Variants in CCDC88C observed in about 807,000 individuals in gnomAD.
CCDC88C encodes the protein protein Daple.
CCDC88C carries 131 observed loss-of-function variants against 198.8 expected under a neutral mutation model. That is an observed-to-expected ratio of 0.66 (90% CI 0.57 to 0.76). CCDC88C has a LOEUF of 0.76. Among genes scored for constraint, CCDC88C ranks in the 30% least tolerant of loss-of-function variants. The pLI is 0.00. For missense variants in CCDC88C, 2,553 were observed against 2,631.6 expected (o/e 0.97, Z 0.65); for synonymous variants, 1,166 against 1,114.7 (o/e 1.05, Z -0.92).
chr14:91,379,579 A>G, intron 3 of CCDC88C: 1 of 556,544 alleles, frequency 1.8e-6, no homozygotes, highest in Middle Eastern at 4.8e-4. Flanking sequence ...AGGTGCCTCC[A>G]GGGGATCACA....
rs754306873 is a variant in CCDC88C, at chr14:91,281,426, G to C, written c.4699+31C>G. 8.7e-6 allele frequency: 14 copies of C among 1,613,382 alleles called. No individual in the cohort carries two copies. The Admixed American group carries it at 2.3e-4, about 27-fold the overall frequency. On this transcript the variant is annotated intron_variant, in intron 27 of 29. Coordinates refer to ENST00000389857, the MANE Select transcript of CCDC88C (RefSeq NM_001080414.4). The stretch of plus-strand genomic sequence containing the variant: ...GGATAAAAACCAGTCTGGAAACCCA[G>C]GCTGGAGGACACAGCACCCTCCCTA...
intron 3 of CCDC88C, among the ~76,000 whole-genome samples, chr14:91,407,078 C>A (rs7156457): frequency 0.021 from 3,209 of 151,002 alleles, 110 homozygotes; most frequent in African/African-American, 0.073. Context: ...AGGCAAACTA[C>A]GCCAGCCCCC....
At chr14:91,357,960 G>C (rs191654721) in intron 4 of CCDC88C, among the ~76,000 whole-genome samples, 7 of 152,356 alleles carry the variant, frequency 4.6e-5, no homozygotes, top group Admixed American at 3.9e-4. Context: ...GCCACCAGGA[G>C]GACCAGGGGT....
intron 3 of CCDC88C, among the ~76,000 whole-genome samples, chr14:91,403,025 C>T (rs1000377988): frequency 2.0e-5 from 3 of 152,104 alleles, no homozygotes; most frequent in Non-Finnish European, 4.4e-5. Context: ...CTCTAAATCT[C>T]GCAGTTTCTG....
intron 3 of CCDC88C, among the ~76,000 whole-genome samples, chr14:91,366,775 G>A (rs1162977632): frequency 6.6e-6 from 1 of 152,202 alleles, no homozygotes; most frequent in East Asian, 1.9e-4. Context: ...TGGGCGAAAG[G>A]CTGACTCTCA....
intron 3 of CCDC88C, among the ~76,000 whole-genome samples, chr14:91,361,486 C>T (rs1428023088): frequency 6.6e-6 from 1 of 152,174 alleles, no homozygotes; most frequent in Admixed American, 6.5e-5. Context: ...ATGGTCTTCT[C>T]GTCCCTCCTT....
In CCDC88C at chr14:91,373,585, G is replaced by A. The variant is rs1596126905; in HGVS notation, c.271-13874C>T. On this transcript the variant is annotated intron_variant, in intron 3 of 29. Coordinates refer to ENST00000389857, the MANE Select transcript of CCDC88C (RefSeq NM_001080414.4). ...TCTCTTTTCATTACAGGAGTTTGCA[G>A]CAAAAGATCAGACTTCATCTAGAGA... 2.0e-5 allele frequency among the ~76,000 whole-genome samples: 3 copies of A among 152,152 alleles called. No individual in the cohort carries two copies. In the East Asian group the frequency reaches 5.8e-4, roughly 29 times the overall value.
chr14:91,417,491 C>T, intron 1 of CCDC88C, 140 bp downstream of exon 1: 1 of 670,464 alleles, frequency 1.5e-6, no homozygotes, highest in Non-Finnish European at 2.4e-6. Flanking sequence ...GGCCCCAACC[C>T]CGGCCGGGAG....
chr14:91,339,871 C>A lies in CCDC88C; in HGVS notation c.624+13G>T, dbSNP rs764302276. The A allele has an allele frequency of 6.4e-7, 1 of 1,573,780 alleles. No individual in the cohort carries two copies. The highest frequency in any genetic ancestry group is 8.6e-7 in the Non-Finnish European group (1 of 1,159,592). Reference sequence around the variant, plus strand: ...CTTCCCAGGCTGACCGGGCCACCGACCCGCGGACGCACCTCGGTGCACTCG... The same window carrying A: ...CTTCCCAGGCTGACCGGGCCACCGAACCGCGGACGCACCTCGGTGCACTCG... On this transcript the variant is annotated intron_variant, in intron 7 of 29. Coordinates refer to ENST00000389857, the MANE Select transcript of CCDC88C (RefSeq NM_001080414.4). The surrounding 1 kb of genome is among the most constrained non-coding windows in gnomAD (Gnocchi z 5.8).
chr14:91,408,976 G>C (rs1322239266), intron 2 of CCDC88C, among the ~76,000 whole-genome samples: 2 of 152,058 alleles, frequency 1.3e-5, no homozygotes, highest in African/African-American at 4.8e-5. Flanking sequence ...CCTGACCCGA[G>C]CACCTGGCCC....
chr14:91,314,252 GTCCTACCTGTGCTCAGACAC>G (rs1234091784), intron 14 of CCDC88C, 102 bp from the exon 15 acceptor site: 2 of 930,152 alleles, frequency 2.2e-6, no homozygotes, highest in African/African-American at 3.3e-5. Context: ...TTGAACGGCT[GTCCTACCTGTGCTCAGACAC>G]TGCCTGTGCG....
chr14:91,416,249 T>C (rs975015586), intron 2 of CCDC88C, among the ~76,000 whole-genome samples: 1 of 152,190 alleles, frequency 6.6e-6, no homozygotes, highest in Non-Finnish European at 1.5e-5. Flanking sequence ...CTTAATGAAT[T>C]GCACTTGCTT....
chr14:91,387,590 G>A (rs184356386), intron 3 of CCDC88C, among the ~76,000 whole-genome samples: 2 of 152,288 alleles, frequency 1.3e-5, no homozygotes, highest in Admixed American at 1.3e-4. Flanking sequence ...GTTAGGCCCT[G>A]GACAAAGGCA....
At chr14:91,310,132 T>G (rs1413863192) in intron 15 of CCDC88C, 146 bp from the exon 16 acceptor site, 2 of 781,048 alleles carry the variant, frequency 2.6e-6, no homozygotes, top group Non-Finnish European at 3.8e-6. Flanking sequence ...ACCCCAGGGA[T>G]GCTCTTCCCG....
At chr14:91,362,658 G>A (rs768840468) in intron 3 of CCDC88C, among the ~76,000 whole-genome samples, 5 of 152,110 alleles carry the variant, frequency 3.3e-5, no homozygotes, top group Admixed American at 6.6e-5. Flanking sequence ...TGCCGGGCGC[G>A]GTGGCTCACG....
chr14:91,301,276 G>GAC (rs1382908218), intron 20 of CCDC88C, among the ~76,000 whole-genome samples: 4 of 152,184 alleles, frequency 2.6e-5, no homozygotes, highest in Non-Finnish European at 4.4e-5. Flanking sequence ...CCCTGCTGCA[G>GAC]ACACAGCAAG....
chr14:91,411,738 G>A (rs1268600981), intron 2 of CCDC88C, among the ~76,000 whole-genome samples: 2 of 152,258 alleles, frequency 1.3e-5, no homozygotes, highest in South Asian at 2.1e-4. Flanking sequence ...CGAGGTGAGA[G>A]GATCACTTGA....
intron 3 of CCDC88C, among the ~76,000 whole-genome samples, chr14:91,390,209 C>G (rs528657186): frequency 1.3e-5 from 2 of 152,214 alleles, no homozygotes; most frequent in African/African-American, 4.8e-5. Context: ...GGCTGGGGTT[C>G]CAAACCCCTT....
Position 91,272,870 on chromosome 14 carries a change from C to A in CCDC88C, c.5842G>T (p.Gly1948Trp). The change falls in exon 30 of 30, where the codon GGG becomes TGG. Residue 1948 changes from glycine to tryptophan, a missense_variant. Gly to Trp is a radical substitution (Grantham distance 184, BLOSUM62 -2). Coordinates refer to ENST00000389857, the MANE Select transcript of CCDC88C (RefSeq NM_001080414.4). ...ACAGGGGTGATGGTGGCCACCTCCC[C>A]TGAGCGTGGGGGCGCCTTGGGCTTG... ...RTKPKAPPRS[G>W]EVATITPVRA... 6.3e-7 allele frequency: 1 copy of A among 1,591,880 alleles called. No homozygotes were observed.
Sources: allele counts gnomAD v4.1 joint callset (sites outside exome capture counted in the v4.1 genomes callset), GRCh38; gene constraint gnomAD v4.1.1; non-coding constraint Gnocchi (gnomAD v3.1); transcripts MANE v1.5; gene names NCBI Gene and HGNC (gene_info 2026-07-23, HGNC 2026-07-21).